DLC1: variants seen among roughly 807,000 people sequenced by gnomAD.
DLC1 encodes DLC1 Rho GTPase activating protein, also known as rho GTPase-activating protein 7.
DLC1 carries 54 observed loss-of-function variants against 140.3 expected under a neutral mutation model. The observed-to-expected ratio is 0.38, with a 90% CI of 0.31 to 0.48. DLC1 has a LOEUF of 0.48. Among genes scored for constraint, DLC1 ranks in the 20% least tolerant of loss-of-function variants. DLC1 has a pLI of 0.96. For missense variants in DLC1, 2,536 were observed against 1,907.0 expected (o/e 1.33, Z -6.14); for synonymous variants, 986 against 728.1 (o/e 1.35, Z -5.70).
intron 5 of DLC1, chr8:13,116,006 C>T: frequency 2.6e-6 from 1 of 385,972 alleles, no homozygotes. Flanking sequence ...TCATTTGAAG[C>T]CTGGCCGGCC....
chr8:13,149,941 C>G (rs922534192), intron 5 of DLC1, among the ~76,000 whole-genome samples: 1 of 152,198 alleles, frequency 6.6e-6, no homozygotes, highest in Non-Finnish European at 1.5e-5. Flanking sequence ...TAACCACATA[C>G]TTTGTTTAAA....
At chr8:13,562,100 A>ATG (rs1311565232) in intron 1 of DLC1, among the ~76,000 whole-genome samples, 1 of 152,170 alleles carries the variant, frequency 6.6e-6, no homozygotes, top group Non-Finnish European at 1.5e-5. Context: ...GAACCCATAT[A>ATG]TGTGTTAAAA....
intron 3 of DLC1, among the ~76,000 whole-genome samples, chr8:13,398,702 A>T (rs1837162160): frequency 6.6e-6 from 1 of 152,108 alleles, no homozygotes. Context: ...ACTAGTAGGA[A>T]CAGAGCAATG....
chr8:13,548,691 G>A (rs932077511), intron 1 of DLC1, among the ~76,000 whole-genome samples: 1 of 151,904 alleles, frequency 6.6e-6, no homozygotes, highest in African/African-American at 2.4e-5. Flanking sequence ...CGTAACTTAA[G>A]AGCACACCTC....
At chr8:13,107,278 G>T (rs1819645993) in intron 7 of DLC1, among the ~76,000 whole-genome samples, 1 of 152,168 alleles carries the variant, frequency 6.6e-6, no homozygotes, top group Non-Finnish European at 1.5e-5. Context: ...AGTAGAAAAA[G>T]AAGCTCCTAC....
intron 5 of DLC1, among the ~76,000 whole-genome samples, chr8:13,150,411 T>C (rs549450539): frequency 6.6e-6 from 1 of 152,320 alleles, no homozygotes; most frequent in South Asian, 2.1e-4. Flanking sequence ...TCTTTTTTTT[T>C]CTTTGTCGCC....
intron 1 of DLC1, among the ~76,000 whole-genome samples, chr8:13,581,053 T>C (rs1224768380): frequency 3.3e-5 from 5 of 152,180 alleles, no homozygotes; most frequent in Non-Finnish European, 7.3e-5. Context: ...AAGTTGTCAG[T>C]AGTCAAACAT....
At chr8:13,248,562 C>T (rs1829863583) in intron 5 of DLC1, among the ~76,000 whole-genome samples, 2 of 152,188 alleles carry the variant, frequency 1.3e-5, no homozygotes, top group South Asian at 4.1e-4. Flanking sequence ...ACCTTGGCAG[C>T]CTCACCGTGG....
At position 13,320,665 on chromosome 8, in the gene DLC1, T is replaced by C. The variant is rs182503227; in HGVS notation, c.1315-15363A>G. Among the ~76,000 whole-genome samples, 6 of 152,116 alleles carry C rather than the reference T, an allele frequency of 3.9e-5. No homozygotes were observed. In the East Asian group the frequency reaches 9.7e-4, roughly 25 times the overall value. On this transcript the variant is annotated intron_variant, in intron 4 of 17. Transcript: ENST00000276297. ...TCTCATGAATAGATTAAGGCTCTCC[T>C]TGGGGGTGGGTGGGGTGAGGTCTGG...
intron 1 of DLC1, among the ~76,000 whole-genome samples, chr8:13,568,952 A>G (rs1804550042): frequency 6.6e-6 from 1 of 152,192 alleles, no homozygotes; most frequent in Non-Finnish European, 1.5e-5. Flanking sequence ...GGGGAAGAAG[A>G]AGTAAAGCTG....
At chr8:13,355,805 C>T (rs1834915432) in intron 4 of DLC1, among the ~76,000 whole-genome samples, 1 of 151,886 alleles carries the variant, frequency 6.6e-6, no homozygotes, top group Non-Finnish European at 1.5e-5. Context: ...TTATTTTTGG[C>T]TCAGCATGGT....
chr8:13,461,864 C>G (rs552977643), intron 2 of DLC1, among the ~76,000 whole-genome samples: 4 of 152,172 alleles, frequency 2.6e-5, no homozygotes, highest in East Asian at 1.9e-4. Context: ...TTAATACACA[C>G]AGTATTTGAG....
At chr8:13,201,886 T>C (rs1345072161) in intron 5 of DLC1, among the ~76,000 whole-genome samples, 2 of 151,874 alleles carry the variant, frequency 1.3e-5, no homozygotes, top group Non-Finnish European at 2.9e-5. Flanking sequence ...TACAGATTAT[T>C]TTCTCCCCCA....
intron 2 of DLC1, among the ~76,000 whole-genome samples, chr8:13,440,564 A>G (rs1798460999): frequency 6.6e-6 from 1 of 152,034 alleles, no homozygotes; most frequent in South Asian, 2.1e-4. Context: ...GAAACATCCA[A>G]TTCTCTTTCT....
chr8:13,259,139 G>GAAAAAAA (rs776038964), intron 5 of DLC1, among the ~76,000 whole-genome samples: 2 of 66,622 alleles, frequency 3.0e-5, no homozygotes, highest in African/African-American at 1.1e-4. Context: ...TCCGTCTCAA[G>GAAAAAAA]AAAAAAAAAA....
chr8:13,540,859 GT>G (rs1378756665), intron 1 of DLC1, among the ~76,000 whole-genome samples: 1 of 152,172 alleles, frequency 6.6e-6, no homozygotes, highest in Non-Finnish European at 1.5e-5. Flanking sequence ...CAGAACAGGA[GT>G]TCAGATTGTC....
chr8:13,346,010 T>G (rs770960015), intron 4 of DLC1, among the ~76,000 whole-genome samples: 19 of 152,226 alleles, frequency 1.2e-4, no homozygotes, highest in African/African-American at 1.9e-4. Context: ...GTAAGCTACT[T>G]TGTGATTTGT....
intron 2 of DLC1, among the ~76,000 whole-genome samples, chr8:13,477,792 A>AC (rs1442825653): frequency 1.3e-5 from 2 of 152,136 alleles, no homozygotes; most frequent in Non-Finnish European, 2.9e-5. Context: ...TCATATCCTA[A>AC]CCACCCAACC....
At chr8:13,119,906 ACT>A (rs1448654634) in intron 5 of DLC1, among the ~76,000 whole-genome samples, 2 of 150,502 alleles carry the variant, frequency 1.3e-5, no homozygotes, top group African/African-American at 4.9e-5. Context: ...ATACAGTGAG[ACT>A]CTATCTAAAA....
Sources: gnomAD v4.1 joint callset for allele counts (sites outside exome capture counted in the v4.1 genomes callset) on GRCh38, gnomAD v4.1.1 for gene constraint, MANE v1.5 for transcripts, NCBI Gene and HGNC (gene_info 2026-07-23, HGNC 2026-07-21) for gene names.